DSCAM: variants seen among roughly 807,000 people sequenced by gnomAD.
DSCAM encodes the protein DS cell adhesion molecule.
In DSCAM, 47 loss-of-function variants were observed where a neutral mutation model predicts 217.7. That is an observed-to-expected ratio of 0.22 (90% CI 0.17 to 0.28). The LOEUF is 0.28. DSCAM is among the 10% of genes least tolerant of loss of function. The pLI, the probability that DSCAM is intolerant of heterozygous loss-of-function variation, is 1.00. For synonymous variants in DSCAM, 1,056 were observed against 1,015.3 expected (o/e 1.04, Z -0.76); for missense variants, 2,080 against 2,618.3 (o/e 0.79, Z 4.49).
chr21:40,644,561 T>C (rs1465232530), intron 3 of DSCAM, among the ~76,000 whole-genome samples: 1 of 152,138 alleles, frequency 6.6e-6, no homozygotes, highest in African/African-American at 2.4e-5. Context: ...CTCTGATTGG[T>C]GGTGGGCCAA....
intron 28 of DSCAM, among the ~76,000 whole-genome samples, chr21:40,059,937 T>C (rs1479649344): frequency 6.6e-6 from 1 of 152,202 alleles, no homozygotes; most frequent in African/African-American, 2.4e-5. Context: ...CATGTCCAAA[T>C]ATGGTTGATT....
rs1039560929 is a variant in DSCAM at position 40,343,837 on chromosome 21, TTTA to T, written c.1210+3830_1210+3832del. 8.3e-3 allele frequency among the ~76,000 whole-genome samples: 1,254 copies of T among 150,514 alleles called. 7 individuals carry two copies. Among genetic ancestry groups the T allele is most frequent in the Non-Finnish European group, 0.012 (844 of 67,576 alleles). On this transcript the variant is annotated intron_variant, in intron 6 of 32. Coordinates refer to ENST00000400454, the MANE Select transcript of DSCAM (RefSeq NM_001389.5). ...TGTTATTTTATTTTACTTTATTTTA[TTTA>T]TTATTATTTTATTTCATTTTATTTT...
chr21:40,503,077 C>T (rs2146039677), intron 3 of DSCAM, among the ~76,000 whole-genome samples: 1 of 152,274 alleles, frequency 6.6e-6, no homozygotes, highest in African/African-American at 2.4e-5. Flanking sequence ...TACAAAGTCA[C>T]TTGCATATGT....
chr21:40,478,989 T>C (rs138834711), intron 3 of DSCAM, among the ~76,000 whole-genome samples: 118 of 152,350 alleles, frequency 7.7e-4, no homozygotes, highest in African/African-American at 2.6e-3. Context: ...ACTGCACTCA[T>C]GTATTTTCAG....
chr21:40,175,823 ACG>A (rs1490285930), intron 15 of DSCAM, among the ~76,000 whole-genome samples: 11 of 150,786 alleles, frequency 7.3e-5, no homozygotes, highest in Non-Finnish European at 1.5e-4. Flanking sequence ...ACACACACAC[ACG>A]CACACACACA....
rs530075011 is a variant in DSCAM, at chr21:40,114,831, T to C, written c.3696+9364A>G. Among the ~76,000 whole-genome samples the C allele has an allele frequency of 1.5e-4, 23 of 152,290 alleles. No homozygotes were observed. The East Asian group carries it at 2.3e-3, about 15-fold the overall frequency. ...TGACAAAATGCTCATCATCACTGGC[T>C]GTTAGAGAAATGCAAATCAAAACCA... On this transcript the variant is annotated intron_variant, in intron 20 of 32. Transcript: ENST00000400454.
At chr21:40,606,527 C>T (rs2089240802) in intron 3 of DSCAM, among the ~76,000 whole-genome samples, 1 of 152,196 alleles carries the variant, frequency 6.6e-6, no homozygotes, top group Admixed American at 6.5e-5. Flanking sequence ...CTAACATTGG[C>T]TGGCTTGTGG....
chr21:40,204,014 G>A lies in DSCAM; in HGVS notation c.2357-14776C>T, dbSNP rs146660804. On this transcript the variant is annotated intron_variant, in intron 11 of 32. Transcript: ENST00000400454. The stretch of plus-strand genomic sequence containing the variant: ...ATAACGGTTGTGTCCATCATATCAC[G>A]TAGAATATTAACAACATAGGTAAAA... 4.5e-3 allele frequency among the ~76,000 whole-genome samples: 688 copies of A among 152,282 alleles called. 6 individuals are homozygous for A. The highest frequency in any genetic ancestry group is 6.8e-3 in the Middle Eastern group (2 of 294).
chr21:40,506,220 A>G (rs1358176854), intron 3 of DSCAM, among the ~76,000 whole-genome samples: 1 of 152,254 alleles, frequency 6.6e-6, no homozygotes, highest in Non-Finnish European at 1.5e-5. Flanking sequence ...TCTGAAGCCC[A>G]TGCACGAGGG....
intron 3 of DSCAM, among the ~76,000 whole-genome samples, chr21:40,578,504 G>T (rs113307371): frequency 0.038 from 5,751 of 152,038 alleles, 307 homozygotes; most frequent in African/African-American, 0.12. Flanking sequence ...GGACCAATCA[G>T]TGCTCTGTAA....
chr21:40,070,391 G>A (rs9978703), intron 27 of DSCAM, among the ~76,000 whole-genome samples: 30,007 of 140,994 alleles, frequency 0.21, 3,753 homozygotes, highest in East Asian at 0.36. Flanking sequence ...AGCAAGGAAG[G>A]AAGGAAAAGA....
chr21:40,679,134 T>C (rs1351603692), intron 3 of DSCAM, among the ~76,000 whole-genome samples: 2 of 152,216 alleles, frequency 1.3e-5, no homozygotes, highest in Non-Finnish European at 2.9e-5. Context: ...GAGAGGCTGA[T>C]GTGAAATTTG....
intron 3 of DSCAM, among the ~76,000 whole-genome samples, chr21:40,577,845 A>T (rs1279518440): frequency 6.6e-6 from 1 of 152,186 alleles, no homozygotes; most frequent in East Asian, 1.9e-4. Context: ...GGCGTTATCA[A>T]TCAGACGAAA....
intron 1 of DSCAM, among the ~76,000 whole-genome samples, chr21:40,846,186 A>G (rs1336715439): frequency 1.3e-5 from 2 of 152,240 alleles, no homozygotes; most frequent in Admixed American, 6.5e-5. Context: ...AAAAATCTCA[A>G]AAAGCATTGA....
intron 1 of DSCAM, among the ~76,000 whole-genome samples, chr21:40,732,604 T>G (rs1044068361): frequency 1.1e-4 from 17 of 152,208 alleles, no homozygotes; most frequent in African/African-American, 3.9e-4. Flanking sequence ...GCTCATACAA[T>G]TATTGAGGCA....
chr21:40,030,699 G>T (rs970296607), intron 32 of DSCAM, among the ~76,000 whole-genome samples: 2 of 152,166 alleles, frequency 1.3e-5, no homozygotes, highest in Admixed American at 6.5e-5. Flanking sequence ...CTAAATATTG[G>T]CATGTGCTAA....
At chr21:40,240,072 AC>A (rs2073128750) in intron 11 of DSCAM, among the ~76,000 whole-genome samples, 2 of 152,208 alleles carry the variant, frequency 1.3e-5, no homozygotes, top group South Asian at 4.1e-4. Context: ...TTGCCAGGGT[AC>A]AACCCAGGGG....
intron 26 of DSCAM, among the ~76,000 whole-genome samples, chr21:40,077,846 C>T (rs74688884): frequency 0.031 from 4,779 of 152,300 alleles, 276 homozygotes; most frequent in East Asian, 0.26. Context: ...GGAGTTCCAA[C>T]TCATCCTGAT....
chr21:40,145,297 A>C (rs1459244430), intron 16 of DSCAM, among the ~76,000 whole-genome samples: 7 of 152,192 alleles, frequency 4.6e-5, no homozygotes, highest in Non-Finnish European at 2.9e-5. Flanking sequence ...TGGAGCTTAC[A>C]TTCTAAGGAA....
Sources: allele counts gnomAD v4.1 joint callset (sites outside exome capture counted in the v4.1 genomes callset), GRCh38; gene constraint gnomAD v4.1.1; transcripts MANE v1.5; gene names NCBI Gene and HGNC (gene_info 2026-07-23, HGNC 2026-07-21).